DYNC2H1: variants seen among roughly 807,000 people sequenced by gnomAD.
DYNC2H1 encodes the protein cytoplasmic dynein 2 heavy chain 1.
A neutral mutation model predicts 570.0 loss-of-function variants in DYNC2H1; 410 were observed. That is an observed-to-expected ratio of 0.72 (90% CI 0.66 to 0.78). The LOEUF is 0.78. Among genes scored for constraint, DYNC2H1 ranks in the 30% least tolerant of loss-of-function variants. DYNC2H1 has a pLI of 0.00. For synonymous variants in DYNC2H1, 1,688 were observed against 1,677.6 expected (o/e 1.01, Z -0.15); for missense variants, 4,865 against 5,046.4 (o/e 0.96, Z 1.09).
chr11:103,122,013 A>G (rs942356126), intron 10 of DYNC2H1, among the ~76,000 whole-genome samples: 8 of 152,292 alleles, frequency 5.3e-5, no homozygotes, highest in African/African-American at 1.7e-4. Flanking sequence ...TGTTTATGTA[A>G]CTAAATCACT....
intron 63 of DYNC2H1, among the ~76,000 whole-genome samples, chr11:103,237,748 A>AT (rs397760085): frequency 6.0e-5 from 9 of 150,714 alleles, no homozygotes; most frequent in African/African-American, 2.2e-4. Flanking sequence ...TAAAAAAAAA[A>AT]GGTTTAAGAA....
At position 103,440,407 on chromosome 11, in the gene DYNC2H1, G is replaced by T. The variant is rs550562279; in HGVS notation, c.12456+4375G>T. On this transcript the variant is annotated intron_variant, in intron 85 of 88. Transcript: ENST00000375735. ...TGTCTTTAGTTTTAAGATCCACAGT[G>T]ACGACTTGAACTCCACTCAGTTTTT... Among the ~76,000 whole-genome samples, 8 of 152,212 alleles carry T rather than the reference G, an allele frequency of 5.3e-5. No individual in the cohort carries two copies. In the South Asian group the frequency reaches 1.2e-3, roughly 24 times the overall value.
At chr11:103,332,496 G>T (rs1251362516) in intron 82 of DYNC2H1, among the ~76,000 whole-genome samples, 1 of 149,176 alleles carries the variant, frequency 6.7e-6, no homozygotes. Context: ...TATTAAAACT[G>T]AAAAAGACTG....
At position 103,170,863 on chromosome 11, in the gene DYNC2H1, T is replaced by A. The variant is rs1338961459; in HGVS notation, c.5152-23T>A. ...GATTTTGATTATTTTTTAATGACTATAATTTTTATTGTTGTTTTTAAGGGC... is the reference window on the plus strand; with the variant it reads ...GATTTTGATTATTTTTTAATGACTAAAATTTTTATTGTTGTTTTTAAGGGC... On this transcript the variant is annotated intron_variant, in intron 33 of 88. Coordinates refer to ENST00000375735, the MANE Select transcript of DYNC2H1 (RefSeq NM_001377.3). This position sits in a 1 kb window ranked among gnomAD's most constrained non-coding sequence, Gnocchi z 4.8. The A allele has an allele frequency of 2.1e-6, 3 of 1,434,634 alleles. No individual in the cohort carries two copies. The highest frequency in any genetic ancestry group is 2.8e-6 in the Non-Finnish European group (3 of 1,084,108). The allele number at this position is 1,434,634 out of a possible 1,614,324, so 88.9% of individuals were successfully genotyped here.
chr11:103,339,672 C>T (rs1349518048), intron 82 of DYNC2H1, among the ~76,000 whole-genome samples: 1 of 152,160 alleles, frequency 6.6e-6, no homozygotes, highest in Non-Finnish European at 1.5e-5. Flanking sequence ...ATCGCTGAAG[C>T]CAGTGTCGTG....
At chr11:103,332,928 G>A (rs983988655) in intron 82 of DYNC2H1, among the ~76,000 whole-genome samples, 1 of 151,846 alleles carries the variant, frequency 6.6e-6, no homozygotes, top group African/African-American at 2.4e-5. Context: ...GCTTGAACCT[G>A]GTAGGCAGAG....
At position 103,325,095 on chromosome 11, in the gene DYNC2H1, A is replaced by T. The variant is rs960693312; in HGVS notation, c.12039+1105A>T. On this transcript the variant is annotated intron_variant, in intron 82 of 88. Coordinates refer to ENST00000375735, the MANE Select transcript of DYNC2H1 (RefSeq NM_001377.3). The surrounding 1 kb of genome is among the most constrained non-coding windows in gnomAD (Gnocchi z 4.8). The stretch of plus-strand genomic sequence containing the variant: ...GCTTGTTAATTTCTTTAAGTTCCTT[A>T]TAGATTCTGGACATTGGACCTTTGT... 1.3e-5 allele frequency among the ~76,000 whole-genome samples: 2 copies of T among 152,046 alleles called. No homozygotes were observed. The highest frequency in any genetic ancestry group is 2.9e-5 in the Non-Finnish European group (2 of 68,014).
rs1445988861 is a variant in DYNC2H1 at position 103,468,596 on chromosome 11, G to A, written c.12656G>A (p.Gly4219Asp). Reference sequence around the variant, plus strand: ...TATTTGTTTCCATGGCAGATCAGTGGCTTGTTACTAGAAGGATGTAGTTTT... The same window carrying A: ...TATTTGTTTCCATGGCAGATCAGTGACTTGTTACTAGAAGGATGTAGTTTT... ...QEAKLQIKIS[G>D]LLLEGCSFDG... The change falls in exon 88 of 89, where the codon GGC (glycine) becomes GAC (aspartate). Residue 4219 changes from glycine (G) to aspartate (D), a missense_variant. Around this residue, in one of 5 missense-constraint regions of DYNC2H1, gnomAD observed 2,401 missense variants for 2,454.6 expected, o/e 0.98. Coordinates refer to ENST00000375735, the MANE Select transcript of DYNC2H1 (RefSeq NM_001377.3). 6.2e-7 allele frequency: 1 copy of A among 1,612,644 alleles called. No homozygotes were observed. The highest frequency in any genetic ancestry group is 1.7e-5 in the Admixed American group (1 of 59,940).
At chr11:103,153,808 T>C (rs1160987374) in intron 22 of DYNC2H1, among the ~76,000 whole-genome samples, 1 of 151,884 alleles carries the variant, frequency 6.6e-6, no homozygotes, top group Non-Finnish European at 1.5e-5. Flanking sequence ...GAAATATATA[T>C]AATTTTCAGA....
At chr11:103,401,295 G>C (rs984597448) in intron 84 of DYNC2H1, among the ~76,000 whole-genome samples, 4 of 152,090 alleles carry the variant, frequency 2.6e-5, no homozygotes. Flanking sequence ...GCTCTTGAGA[G>C]TATATTTCTT....
In DYNC2H1 at chr11:103,211,944, G is replaced by A; in HGVS notation, c.8694+1G>A. 1.3e-6 allele frequency: 2 copies of A among 1,509,802 alleles called. No homozygotes were observed. Among genetic ancestry groups the A allele is most frequent in the Non-Finnish European group, 1.8e-6 (2 of 1,128,830 alleles). 93.5% of individuals were successfully genotyped at this position (1,509,802 alleles called of 1,614,324 possible). ...ATTAAAAAGACAAAGTCATTTGCAG[G>A]TATAGTATTGGTAATCTTGAATTAT... On this transcript the variant is annotated splice_donor_variant, in intron 54 of 88. Coordinates refer to ENST00000375735, the MANE Select transcript of DYNC2H1 (RefSeq NM_001377.3). LOFTEE classifies it high-confidence loss of function.
At chr11:103,290,551 G>T (rs1565467787) in intron 75 of DYNC2H1, among the ~76,000 whole-genome samples, 1 of 152,254 alleles carries the variant, frequency 6.6e-6, no homozygotes, top group East Asian at 1.9e-4. Context: ...TAAGTATTCA[G>T]TACTCAGGAA....
At chr11:103,425,237 T>C (rs1373948477) in intron 84 of DYNC2H1, among the ~76,000 whole-genome samples, 1 of 152,108 alleles carries the variant, frequency 6.6e-6, no homozygotes, top group Non-Finnish European at 1.5e-5. Context: ...CTGGCCCAGC[T>C]TAAATAAACA....
At chr11:103,312,219 A>G (rs911244838) in intron 79 of DYNC2H1, among the ~76,000 whole-genome samples, 186 bp downstream of exon 79, 8 of 151,922 alleles carry the variant, frequency 5.3e-5, no homozygotes, top group Admixed American at 5.2e-4. Context: ...CATCTCTACT[A>G]AAAATACAAA....
intron 40 of DYNC2H1, among the ~76,000 whole-genome samples, chr11:103,182,218 C>CTA (rs1326569193): frequency 6.6e-6 from 1 of 150,404 alleles, no homozygotes; most frequent in Admixed American, 6.7e-5. Context: ...CAGTAAATAC[C>CTA]TATATATATG....
At chr11:103,350,770 G>C (rs1245237681) in intron 82 of DYNC2H1, among the ~76,000 whole-genome samples, 2 of 152,028 alleles carry the variant, frequency 1.3e-5, no homozygotes, top group African/African-American at 4.8e-5. Flanking sequence ...TGTGCACAGA[G>C]AGTGAATGAG....
intron 54 of DYNC2H1, among the ~76,000 whole-genome samples, chr11:103,215,323 T>G (rs1319613575): frequency 1.3e-5 from 2 of 152,194 alleles, no homozygotes; most frequent in Admixed American, 6.5e-5. Context: ...GGTATGTTCC[T>G]CCAATGCCTA....
chr11:103,442,068 C>T (rs1243423544), intron 85 of DYNC2H1, among the ~76,000 whole-genome samples: 2 of 152,046 alleles, frequency 1.3e-5, no homozygotes, highest in Non-Finnish European at 2.9e-5. Flanking sequence ...TTAAAACCTC[C>T]AGCATCCCCA....
At chr11:103,417,309 G>A (rs1442728625) in intron 84 of DYNC2H1, among the ~76,000 whole-genome samples, 2 of 151,778 alleles carry the variant, frequency 1.3e-5, no homozygotes, top group South Asian at 4.2e-4. Flanking sequence ...CACCATGTTG[G>A]TCAGGATGGT....
Sources: allele counts gnomAD v4.1 joint callset (sites outside exome capture counted in the v4.1 genomes callset), GRCh38; gene constraint gnomAD v4.1.1; regional missense constraint gnomAD v4.1.1; non-coding constraint Gnocchi (gnomAD v3.1); transcripts MANE v1.5; gene names NCBI Gene and HGNC (gene_info 2026-07-23, HGNC 2026-07-21).